Variants in ESRRB observed in about 807,000 individuals in gnomAD.
The protein encoded by ESRRB is estrogen related receptor beta.
In ESRRB, 16 loss-of-function variants were observed where a neutral mutation model predicts 46.0. That is an observed-to-expected ratio of 0.35 (90% CI 0.24 to 0.53). The LOEUF (loss-of-function observed/expected upper bound fraction) is 0.53, where lower values mean the gene tolerates loss of function less well. ESRRB is among the 20% of genes least tolerant of loss of function. The probability of loss-of-function intolerance (pLI) is 0.93; values close to 1 mark genes in which losing one functional copy is unlikely to be tolerated. For missense variants in ESRRB, 488 were observed against 607.4 expected, an observed-to-expected ratio of 0.80 and a Z score of 2.07; for synonymous variants, 246 against 259.6, an observed-to-expected ratio of 0.95 and a Z score of 0.50.
At chr14:76,469,944 C>CTTTTTTTTTTTTTTTTT (rs1178018542) in intron 3 of ESRRB, among the ~76,000 whole-genome samples, 20 of 73,066 alleles carry the variant, frequency 2.7e-4, no homozygotes, top group East Asian at 4.2e-4. Flanking sequence ...TTTTTTTTTT[C>CTTTTTTTTTTTTTTTTT]TTTTTTTTTT....
At position 76,491,541 on chromosome 14, in the gene ESRRB, C is replaced by T; in HGVS notation, c.945C>T (p.Pro315=). 1 of 1,597,248 alleles carries T rather than the reference C, an allele frequency of 6.3e-7. No homozygotes were observed. The highest frequency in any genetic ancestry group is 8.5e-7 in the Non-Finnish European group (1 of 1,172,360). The part of the protein sequence containing the change: ...LILGIVYRSL[P]YDDKLVYAED... Reference sequence around the variant, plus strand: ...TGGGCATCGTGTACCGCTCGCTGCCCTATGACGACAAGCTGGTGTACGCTG... The same window carrying T: ...TGGGCATCGTGTACCGCTCGCTGCCTTATGACGACAAGCTGGTGTACGCTG... Residue 315 remains proline (P), a synonymous_variant, in exon 6 of 7, where the codon CCC becomes CCT. Coordinates refer to ENST00000644823, the MANE Select transcript of ESRRB (RefSeq NM_001379180.1).
chr14:76,320,962 C>G (rs72729686), intron 1 of ESRRB, among the ~76,000 whole-genome samples: 11,026 of 152,184 alleles, frequency 0.072, 508 homozygotes, highest in Admixed American at 0.092. Context: ...CATTTGGAGA[C>G]TCGCTAAATA....
At chr14:76,362,158 G>A (rs1884472118) in intron 1 of ESRRB, among the ~76,000 whole-genome samples, 1 of 152,210 alleles carries the variant, frequency 6.6e-6, no homozygotes, top group South Asian at 2.1e-4. Flanking sequence ...TGTAACTAGT[G>A]TCTGTTGAAT....
Position 76,499,642 on chromosome 14 carries a change from C to T in ESRRB, c.*1184C>T, listed in dbSNP as rs770573648. On this transcript the variant is annotated 3_prime_UTR_variant, in exon 7 of 7. Transcript: ENST00000644823. ...GCTACCAGAGGTTTGGTGTAGCTCC[C>T]CTGGGCACCGCGAGCACGCCAGCTC... The T allele has an allele frequency of 1.6e-6, 1 of 610,124 alleles. No homozygotes were observed. The highest frequency in any genetic ancestry group is 3.0e-6 in the Non-Finnish European group (1 of 337,672). 37.8% of individuals were successfully genotyped at this position (610,124 alleles called of 1,614,324 possible). A position where few individuals can be genotyped will look rare whatever the true frequency, so the allele number is the denominator to read the frequency against.
intron 2 of ESRRB, among the ~76,000 whole-genome samples, chr14:76,460,051 G>A (rs1888786685): frequency 6.6e-6 from 1 of 152,368 alleles, no homozygotes; most frequent in East Asian, 1.9e-4. Flanking sequence ...ACTCAATACA[G>A]TTAGGCACAT....
rs1321831244 is a variant in ESRRB at position 76,376,380 on chromosome 14, T to C, written c.-22T>C. Reference sequence around the variant, plus strand: ...TTCCCCGCCGTCTTTCTCTACCAACTGGGAATGCTAAAACGGGACTGATGG... The same window carrying C: ...TTCCCCGCCGTCTTTCTCTACCAACCGGGAATGCTAAAACGGGACTGATGG... On this transcript the variant is annotated 5_prime_UTR_variant, in exon 1 of 7. Coordinates refer to ENST00000644823, the MANE Select transcript of ESRRB (RefSeq NM_001379180.1). The surrounding 1 kb of genome is among the most constrained non-coding windows in gnomAD (Gnocchi z 4.1). 2 of 1,231,242 alleles carry C rather than the reference T, an allele frequency of 1.6e-6. No individual in the cohort carries two copies. Among genetic ancestry groups the C allele is most frequent in the Non-Finnish European group, 2.0e-6 (2 of 987,684 alleles). 76.3% of individuals were successfully genotyped at this position (1,231,242 alleles called of 1,614,324 possible).
intron 1 of ESRRB, among the ~76,000 whole-genome samples, chr14:76,317,884 A>G (rs1177955800): frequency 6.6e-6 from 1 of 152,200 alleles, no homozygotes; most frequent in Non-Finnish European, 1.5e-5. Context: ...TAATATCACC[A>G]GTAAGATAGG....
chr14:76,472,745 C>G (rs1291731459), intron 3 of ESRRB, among the ~76,000 whole-genome samples: 1 of 152,206 alleles, frequency 6.6e-6, no homozygotes, highest in Admixed American at 6.5e-5. Context: ...GCTCATGATA[C>G]CCACATCACC....
chr14:76,482,183 G>C lies in ESRRB; in HGVS notation c.688+57G>C. 7.7e-7 allele frequency: 1 copy of C among 1,293,354 alleles called. No homozygotes were observed. Among genetic ancestry groups the C allele is most frequent in the South Asian group, 1.2e-5 (1 of 84,106 alleles). 80.1% of individuals were successfully genotyped at this position (1,293,354 alleles called of 1,614,324 possible). On this transcript the variant is annotated intron_variant, in intron 4 of 6. Coordinates refer to ENST00000644823, the MANE Select transcript of ESRRB (RefSeq NM_001379180.1). This position sits in a 1 kb window ranked among gnomAD's most constrained non-coding sequence, Gnocchi z 4.3. The stretch of plus-strand genomic sequence containing the variant: ...CCAGCATCTGTACCTGGAACATCAG[G>C]CATCCCTTAGGGAAACATCATCTTC...
intron 2 of ESRRB, among the ~76,000 whole-genome samples, chr14:76,440,863 G>A (rs10149127): frequency 0.19 from 28,329 of 151,898 alleles, 2,692 homozygotes; most frequent in Middle Eastern, 0.24. Flanking sequence ...TGAAACCCCC[G>A]TCTCTACTAA....
At chr14:76,344,078 G>A (rs1239931063) in intron 1 of ESRRB, among the ~76,000 whole-genome samples, 2 of 152,314 alleles carry the variant, frequency 1.3e-5, no homozygotes, top group South Asian at 4.1e-4. Flanking sequence ...ATTAGCTTCA[G>A]AAATATTTCA....
intron 1 of ESRRB, among the ~76,000 whole-genome samples, chr14:76,348,760 G>C (rs1884278988): frequency 6.6e-6 from 1 of 152,206 alleles, no homozygotes; most frequent in African/African-American, 2.4e-5. Context: ...TGATTGCGGG[G>C]TTTTGGGGTG....
At position 76,500,536 on chromosome 14, in the gene ESRRB, C is replaced by G. The variant is rs933189832; in HGVS notation, c.*2078C>G. On this transcript the variant is annotated 3_prime_UTR_variant, in exon 7 of 7. Transcript: ENST00000644823. Reference sequence around the variant, plus strand: ...CCGGAGAAACCTTCACAGTAGAGACCTTGGGGTGTGTGCTTTGGGACTCCC... The same window carrying G: ...CCGGAGAAACCTTCACAGTAGAGACGTTGGGGTGTGTGCTTTGGGACTCCC... 1.2e-5 allele frequency: 9 copies of G among 728,366 alleles called. No homozygotes were observed. Among genetic ancestry groups the G allele is most frequent in the Non-Finnish European group, 2.2e-5 (9 of 407,528 alleles). 45.1% of individuals were successfully genotyped at this position (728,366 alleles called of 1,614,324 possible).
chr14:76,497,839 G>A (rs1380124404), intron 6 of ESRRB, among the ~76,000 whole-genome samples: 1 of 152,154 alleles, frequency 6.6e-6, no homozygotes, highest in Non-Finnish European at 1.5e-5. Context: ...TTAAGCCCTT[G>A]AGGTAGGCAT....
intron 1 of ESRRB, among the ~76,000 whole-genome samples, chr14:76,412,561 A>T (rs1444792243): frequency 6.6e-6 from 1 of 152,028 alleles, no homozygotes; most frequent in Non-Finnish European, 1.5e-5. Flanking sequence ...CTTGCAAACC[A>T]CACCTTTTCA....
At chr14:76,462,767 G>A in intron 3 of ESRRB, 106 bp downstream of exon 3, 1 of 886,368 alleles carries the variant, frequency 1.1e-6, no homozygotes, top group Non-Finnish European at 1.9e-6. Flanking sequence ...CCCAGGGTGA[G>A]ACCCAGTCTG....
chr14:76,491,219 C>T (rs2140049487), intron 5 of ESRRB, among the ~76,000 whole-genome samples: 1 of 152,356 alleles, frequency 6.6e-6, no homozygotes, highest in East Asian at 1.9e-4. Flanking sequence ...ATTGACTGAG[C>T]TCTCATTTTG....
intron 1 of ESRRB, among the ~76,000 whole-genome samples, chr14:76,390,464 G>A (rs1416403201): frequency 6.6e-6 from 1 of 151,984 alleles, no homozygotes; most frequent in Non-Finnish European, 1.5e-5. Context: ...ACTCCAGCCT[G>A]GAAAATAAAG....
At chr14:76,352,011 C>CAAAAAAAAAAAAAAAAAAAAAA (rs1884319857) in intron 1 of ESRRB, among the ~76,000 whole-genome samples, 3 of 109,060 alleles carry the variant, frequency 2.8e-5, no homozygotes, top group African/African-American at 7.0e-5. Flanking sequence ...AAAAAAAAAG[C>CAAAAAAAAAAAAAAAAAAAAAA]AAACTCCAAG....
Sources: gnomAD v4.1 joint callset for allele counts (sites outside exome capture counted in the v4.1 genomes callset) on GRCh38, gnomAD v4.1.1 for gene constraint, Gnocchi (gnomAD v3.1) non-coding constraint, MANE v1.5 for transcripts, NCBI Gene and HGNC (gene_info 2026-07-23, HGNC 2026-07-21) for gene names.